The following PDZD2 variants were observed in gnomAD, a reference collection of about 807,000 sequenced individuals.
PDZD2 encodes PDZ domain containing 2, also known as PDZ domain-containing protein 2.
A neutral mutation model predicts 220.7 loss-of-function variants in PDZD2; 90 were observed. The ratio of observed to expected loss-of-function variants is 0.41; its 90% CI spans 0.34 to 0.49. The LOEUF (loss-of-function observed/expected upper bound fraction) is 0.49. Among genes scored for constraint, PDZD2 ranks in the 20% least tolerant of loss-of-function variants. The pLI is 0.28. For synonymous variants in PDZD2, 1,375 were observed against 1,450.5 expected, an observed-to-expected ratio of 0.95 and a Z score of 1.18; for missense variants, 3,174 against 3,608.5, an observed-to-expected ratio of 0.88 and a Z score of 3.08.
intron 1 of PDZD2, among the ~76,000 whole-genome samples, chr5:31,684,496 A>C (rs1282431822): frequency 1.3e-5 from 2 of 151,648 alleles, no homozygotes; most frequent in African/African-American, 4.9e-5. Flanking sequence ...ACCATTGCAA[A>C]CTGGAAGTGC....
At chr5:31,847,988 G>C in intron 2 of PDZD2, 1 of 409,704 alleles carries the variant, frequency 2.4e-6, no homozygotes. Flanking sequence ...GTATAAGAAG[G>C]CTCATGCTGC....
intron 2 of PDZD2, among the ~76,000 whole-genome samples, chr5:31,854,067 T>C (rs1057405921): frequency 1.3e-5 from 2 of 152,344 alleles, no homozygotes; most frequent in African/African-American, 2.4e-5. Flanking sequence ...TGGAAGAGAA[T>C]ACAGCTGAAG....
chr5:31,859,060 C>G (rs1320743937), intron 2 of PDZD2, among the ~76,000 whole-genome samples: 5 of 152,092 alleles, frequency 3.3e-5, no homozygotes, highest in Non-Finnish European at 7.4e-5. Flanking sequence ...CTAGACCTGC[C>G]AAGTGGTCCT....
intron 1 of PDZD2, among the ~76,000 whole-genome samples, chr5:31,757,597 A>C (rs1045013229): frequency 6.6e-6 from 1 of 152,102 alleles, no homozygotes; most frequent in African/African-American, 2.4e-5. Context: ...GCCTCAAAAA[A>C]AAAAAAAAGA....
intron 2 of PDZD2, among the ~76,000 whole-genome samples, chr5:31,923,134 A>C (rs1414084381): frequency 2.0e-5 from 3 of 151,770 alleles, no homozygotes; most frequent in Non-Finnish European, 4.4e-5. Context: ...TCTATACTAA[A>C]AATGCAAAAA....
In PDZD2 at chr5:31,639,989, C is replaced by T. The variant is rs75035562; in HGVS notation, c.-361+552C>T. ...AGGGCATCTTAGGGCCGGTTATTGG[C>T]GTCTGCCGGGGAGATGGGGAACATA... On this transcript the variant is annotated intron_variant, in intron 1 of 24. Transcript: ENST00000438447. The surrounding 1 kb of genome is among the most constrained non-coding windows in gnomAD (Gnocchi z 4.1). Among the ~76,000 whole-genome samples, 1,500 of 152,104 alleles carry T rather than the reference C, an allele frequency of 9.9e-3. 26 individuals carry two copies. The highest frequency in any genetic ancestry group is 0.034 in the African/African-American group (1,411 of 41,524).
In PDZD2 at chr5:32,018,979, T is replaced by C. The variant is rs142049802; in HGVS notation, c.1407+8497T>C. ...GGAGGAAGAAAGGAGATAAGAGTAG[T>C]TACTTGGGCGAGATGAATTGCCTGG... On this transcript the variant is annotated intron_variant, in intron 6 of 24. Transcript: ENST00000438447. Among the ~76,000 whole-genome samples, 527 of 152,242 alleles carry C rather than the reference T, an allele frequency of 3.5e-3. 5 individuals carry two copies. Among genetic ancestry groups the C allele is most frequent in the African/African-American group, 0.012 (492 of 41,548 alleles).
chr5:31,688,258 G>C (rs1307820841), intron 1 of PDZD2, among the ~76,000 whole-genome samples: 1 of 151,926 alleles, frequency 6.6e-6, no homozygotes, highest in Non-Finnish European at 1.5e-5. Context: ...AAAAAACTCA[G>C]TTGTCAAAGC....
At chr5:31,877,676 CTATTTATTTATT>C (rs72473783) in intron 2 of PDZD2, among the ~76,000 whole-genome samples, 5 of 150,422 alleles carry the variant, frequency 3.3e-5, no homozygotes, top group Admixed American at 2.0e-4. Flanking sequence ...GCTGAAAGGT[CTATTTATTTATT>C]TATTTATTTA....
rs750132004 is a variant in PDZD2 at position 32,072,314 on chromosome 5, T to A, written c.2722T>A (p.Ser908Thr). Reference protein sequence around the residue: ...SEEGSLPPSTSTHKEPGKPRA... With the variant: ...SEEGSLPPSTTTHKEPGKPRA... ...GGAGGGCAGCCTGCCTCCCAGCACC[T>A]CCAGTAAGCAGGGGTGCCCCAGAGG... Residue 908 changes from serine to threonine, a missense_variant, in exon 17 of 25, where the codon TCC becomes ACC. This residue lies in a region of PDZD2 where 1,861 missense variants were observed against 2,001.0 expected (regional missense o/e 0.93). Transcript: ENST00000438447. 1.2e-6 allele frequency: 2 copies of A among 1,610,404 alleles called. No homozygotes were observed. The highest frequency in any genetic ancestry group is 1.7e-6 in the Non-Finnish European group (2 of 1,177,866).
chr5:31,739,185 C>T (rs538084857), intron 1 of PDZD2, among the ~76,000 whole-genome samples: 5 of 152,260 alleles, frequency 3.3e-5, no homozygotes, highest in African/African-American at 1.2e-4. Flanking sequence ...CACACCGGGC[C>T]AAATATGCAC....
In PDZD2 at chr5:31,983,367, C is replaced by T. The variant is rs913901548; in HGVS notation, c.689C>T (p.Ala230Val). The T allele has an allele frequency of 2.5e-6, 4 of 1,614,214 alleles. No homozygotes were observed. The highest frequency in any genetic ancestry group is 3.4e-6 in the Non-Finnish European group (4 of 1,180,038). ...ATCTCCAGGCCTCCTGCCAACAAGG[C>T]CCCTGAAGAATCCAAGGGCAGCGCT... is the stretch of plus-strand genomic sequence containing the variant. ...GVISRPPANK[A>V]PEESKGSAGC... The change falls in exon 3 of 25, where the codon GCC becomes GTC. Residue 230 changes from alanine to valine, a missense_variant. By Grantham distance (64) the Ala-to-Val change is moderately conservative (BLOSUM62 0). Coordinates refer to ENST00000438447, the MANE Select transcript of PDZD2 (RefSeq NM_178140.4).
At chr5:32,093,476 A>C (rs567510463) in intron 21 of PDZD2, among the ~76,000 whole-genome samples, 2 of 152,180 alleles carry the variant, frequency 1.3e-5, no homozygotes, top group African/African-American at 4.8e-5. Context: ...CCTGAACAAC[A>C]TGAGGGTTGG....
chr5:31,865,731 G>A (rs1376118600), intron 2 of PDZD2, among the ~76,000 whole-genome samples: 1 of 138,352 alleles, frequency 7.2e-6, no homozygotes, highest in Admixed American at 7.8e-5. Context: ...CCTCCCGGGT[G>A]CCCCATTCTC....
chr5:31,842,962 A>C (rs964256528), intron 2 of PDZD2, among the ~76,000 whole-genome samples: 1 of 151,732 alleles, frequency 6.6e-6, no homozygotes, highest in Non-Finnish European at 1.5e-5. Flanking sequence ...GCTCACTGCC[A>C]CCTCTGCCTC....
In PDZD2 at chr5:32,090,964, AGCGCCGT is replaced by A; in HGVS notation, c.7519_7525del (p.Ala2507SerfsTer73). 6.2e-7 allele frequency: 1 copy of A among 1,613,850 alleles called. No individual in the cohort carries two copies. Among genetic ancestry groups the A allele is most frequent in the Non-Finnish European group, 8.5e-7 (1 of 1,179,970 alleles). The stretch of plus-strand genomic sequence containing the variant: ...CAGCGAGGATTACTCAGCAGGGCCG[AGCGCCGT>A]GCTCTTCAAAACTGAGCTGGAGATC... On this transcript the variant is annotated frameshift_variant, in exon 20 of 25. Transcript: ENST00000438447. LOFTEE classifies it high-confidence loss of function. This position sits in a 1 kb window ranked among gnomAD's most constrained non-coding sequence, Gnocchi z 4.3.
chr5:31,970,158 G>C (rs1749169309), intron 2 of PDZD2, among the ~76,000 whole-genome samples: 1 of 152,046 alleles, frequency 6.6e-6, no homozygotes, highest in Non-Finnish European at 1.5e-5. Flanking sequence ...GCCTCCCAAA[G>C]TGCTGGGATT....
chr5:31,690,629 C>T (rs933758896), intron 1 of PDZD2, among the ~76,000 whole-genome samples: 2 of 152,132 alleles, frequency 1.3e-5, no homozygotes, highest in African/African-American at 4.8e-5. Context: ...CCATGTTGCC[C>T]CTCCTCTTCT....
At chr5:32,020,642 C>CTTTTT (rs11459649) in intron 6 of PDZD2, among the ~76,000 whole-genome samples, 4 of 146,258 alleles carry the variant, frequency 2.7e-5, no homozygotes, top group Non-Finnish European at 4.5e-5. Context: ...ACAAAATGAT[C>CTTTTT]TTTTTTTTTT....
Sources: allele counts gnomAD v4.1 joint callset (sites outside exome capture counted in the v4.1 genomes callset), GRCh38; gene constraint gnomAD v4.1.1; regional missense constraint gnomAD v4.1.1; non-coding constraint Gnocchi (gnomAD v3.1); transcripts MANE v1.5; gene names NCBI Gene and HGNC (gene_info 2026-07-23, HGNC 2026-07-21).